PLCL1: variants seen among roughly 807,000 people sequenced by gnomAD.
PLCL1 encodes the protein inactive phospholipase C-like protein 1.
A neutral mutation model predicts 84.4 loss-of-function variants in PLCL1; 41 were observed. The ratio of observed to expected loss-of-function variants is 0.49; its 90% CI spans 0.38 to 0.63. PLCL1 has a LOEUF of 0.63. Among genes scored for constraint, PLCL1 ranks in the 30% least tolerant of loss-of-function variants. The pLI is 0.00. For synonymous variants in PLCL1, 490 were observed against 488.3 expected, an observed-to-expected ratio of 1.00 and a Z score of -0.05; for missense variants, 1,206 against 1,367.8, an observed-to-expected ratio of 0.88 and a Z score of 1.87.
chr2:197,992,374 C>G lies in PLCL1; in HGVS notation c.241-91384C>G, dbSNP rs1690363525. Among the ~76,000 whole-genome samples, 4 of 152,056 alleles carry G rather than the reference C, an allele frequency of 2.6e-5. 1 individual carries two copies. Among genetic ancestry groups the G allele is most frequent in the Admixed American group, 2.6e-4 (4 of 15,268 alleles). On this transcript the variant is annotated intron_variant, in intron 1 of 5. Transcript: ENST00000428675. ...TGACCTCATGCGCTCAGGTGATTCT[C>G]CCACTTCAGCCTCCTGGGTGTCTGG...
intron 5 of PLCL1, among the ~76,000 whole-genome samples, chr2:198,117,992 A>G (rs1416274315): frequency 6.6e-6 from 1 of 151,890 alleles, no homozygotes; most frequent in Non-Finnish European, 1.5e-5. Flanking sequence ...GTGTTATATC[A>G]TAGGCTCGTT....
chr2:197,931,736 C>A (rs1688939019), intron 1 of PLCL1, among the ~76,000 whole-genome samples: 1 of 135,112 alleles, frequency 7.4e-6, no homozygotes, highest in African/African-American at 2.8e-5. Flanking sequence ...AATGATCTAA[C>A]CTTTTCATAG....
intron 1 of PLCL1, among the ~76,000 whole-genome samples, chr2:198,050,655 G>A (rs550583457): frequency 5.2e-4 from 79 of 152,298 alleles, no homozygotes; most frequent in African/African-American, 1.9e-3. Context: ...TTTGGCTTAG[G>A]TGGTGATATT....
chr2:198,009,410 C>T (rs1458348419), intron 1 of PLCL1, among the ~76,000 whole-genome samples: 1 of 151,968 alleles, frequency 6.6e-6, no homozygotes, highest in Non-Finnish European at 1.5e-5. Flanking sequence ...TTTGAATATC[C>T]TATTTTTCCA....
chr2:197,857,948 C>T (rs991030693), intron 1 of PLCL1, among the ~76,000 whole-genome samples: 6 of 152,032 alleles, frequency 3.9e-5, no homozygotes. Context: ...GGCATTTACT[C>T]TGCAGTTTCT....
chr2:198,067,495 TGTAA>T (rs765183448), intron 1 of PLCL1, among the ~76,000 whole-genome samples: 23 of 152,324 alleles, frequency 1.5e-4, no homozygotes, highest in African/African-American at 2.4e-4. Context: ...AGATAATTAG[TGTAA>T]GTAACAGTTC....
intron 1 of PLCL1, among the ~76,000 whole-genome samples, chr2:197,879,394 A>G (rs546183044): frequency 3.9e-5 from 6 of 152,268 alleles, no homozygotes; most frequent in East Asian, 1.9e-4. Context: ...CAAACATTCA[A>G]TTTCTGTTGT....
chr2:198,036,237 C>T (rs1691548806), intron 1 of PLCL1, among the ~76,000 whole-genome samples: 1 of 152,152 alleles, frequency 6.6e-6, no homozygotes, highest in South Asian at 2.1e-4. Flanking sequence ...TTAAGCTGGG[C>T]TTCCCCTTCC....
intron 1 of PLCL1, among the ~76,000 whole-genome samples, chr2:197,815,027 C>T (rs1690660427): frequency 2.0e-5 from 3 of 152,160 alleles, no homozygotes; most frequent in East Asian, 3.9e-4. Context: ...GTAGAAGCTA[C>T]AGCAAGTTCT....
chr2:198,137,736 CA>C (rs1694289927), intron 5 of PLCL1, among the ~76,000 whole-genome samples: 1 of 152,208 alleles, frequency 6.6e-6, no homozygotes, highest in Admixed American at 6.5e-5. Context: ...TCCTAGTCCT[CA>C]CAGCAATACA....
intron 1 of PLCL1, among the ~76,000 whole-genome samples, chr2:197,846,558 C>G (rs765704478): frequency 2.6e-5 from 4 of 151,998 alleles, no homozygotes; most frequent in Non-Finnish European, 5.9e-5. Flanking sequence ...TATTGAGGAC[C>G]TACTGTGGTA....
chr2:197,987,385 G>A (rs1690239949), intron 1 of PLCL1, among the ~76,000 whole-genome samples: 1 of 152,330 alleles, frequency 6.6e-6, no homozygotes, highest in African/African-American at 2.4e-5. Flanking sequence ...ATGCATGGCA[G>A]TAGGCTGAAT....
chr2:197,804,753 G>C lies in PLCL1; in HGVS notation c.-347G>C. The C allele has an allele frequency of 5.4e-6, 1 of 186,534 alleles. No homozygotes were observed. The highest frequency in any genetic ancestry group is 1.1e-5 in the Non-Finnish European group (1 of 90,818). 11.6% of individuals were successfully genotyped at this position (186,534 alleles called of 1,614,324 possible). ...GAGGCCGCCTGGCTGGGCGCCCGGT[G>C]CCTTTTGTCTGGCGCAGGGCCGGCG... On this transcript the variant is annotated 5_prime_UTR_variant, in exon 1 of 6. Coordinates refer to ENST00000428675, the MANE Select transcript of PLCL1 (RefSeq NM_006226.4).
At chr2:198,112,688 A>G (rs541082648) in intron 5 of PLCL1, among the ~76,000 whole-genome samples, 1 of 151,968 alleles carries the variant, frequency 6.6e-6, no homozygotes, top group East Asian at 1.9e-4. Context: ...TGTCTATTAA[A>G]CGTTTAAAAA....
chr2:198,014,552 T>G (rs983770283), intron 1 of PLCL1, among the ~76,000 whole-genome samples: 1 of 152,136 alleles, frequency 6.6e-6, no homozygotes, highest in African/African-American at 2.4e-5. Context: ...AGACCTTTTT[T>G]TTCTTGTTAA....
intron 5 of PLCL1, among the ~76,000 whole-genome samples, chr2:198,128,482 A>G (rs888751463): frequency 6.6e-6 from 1 of 152,106 alleles, no homozygotes; most frequent in Non-Finnish European, 1.5e-5. Context: ...GTCGGAGATG[A>G]AATTATGGAG....
intron 1 of PLCL1, 37 bp from the exon 2 acceptor site, chr2:198,083,721 A>G: frequency 7.1e-7 from 1 of 1,401,190 alleles, no homozygotes; most frequent in South Asian, 1.4e-5. Context: ...CTGTTTTCTA[A>G]AGGAAATTGA....
chr2:197,938,033 C>A (rs1689083710), intron 1 of PLCL1, among the ~76,000 whole-genome samples: 1 of 152,176 alleles, frequency 6.6e-6, no homozygotes. Flanking sequence ...CTGGCACAGA[C>A]CTTCAACTCT....
intron 5 of PLCL1, among the ~76,000 whole-genome samples, chr2:198,146,258 G>A (rs1694513687): frequency 6.6e-6 from 1 of 152,142 alleles, no homozygotes; most frequent in Non-Finnish European, 1.5e-5. Context: ...CAGGCAGATT[G>A]CAAGGATGAC....
Sources: gnomAD v4.1 joint callset for allele counts (sites outside exome capture counted in the v4.1 genomes callset) on GRCh38, gnomAD v4.1.1 for gene constraint, MANE v1.5 for transcripts, NCBI Gene and HGNC (gene_info 2026-07-23, HGNC 2026-07-21) for gene names.